Variants in TCF12 observed in about 807,000 individuals in gnomAD.
The protein encoded by TCF12 is transcription factor 12.
In TCF12, 45 loss-of-function variants were observed where a neutral mutation model predicts 86.0. The observed-to-expected ratio is 0.52, with a 90% CI of 0.41 to 0.67. The LOEUF is 0.67. Ranked by LOEUF, TCF12 falls within the 30% of genes least tolerant of loss-of-function variation. The probability of loss-of-function intolerance (pLI) is 0.00; values close to 1 mark genes in which losing one functional copy is unlikely to be tolerated. For missense variants in TCF12, 881 were observed against 859.9 expected (o/e 1.02, Z -0.31); for synonymous variants, 330 against 299.6 (o/e 1.10, Z -1.05).
intron 5 of TCF12, among the ~76,000 whole-genome samples, chr15:57,115,526 T>A (rs967370163): frequency 6.6e-5 from 10 of 152,326 alleles, no homozygotes; most frequent in Admixed American, 6.5e-4. Flanking sequence ...ATTGGAAGAA[T>A]CTGTAGTAAG....
intron 3 of TCF12, among the ~76,000 whole-genome samples, chr15:56,947,959 ACTTAT>A (rs2061083976): frequency 6.6e-6 from 1 of 152,148 alleles, no homozygotes; most frequent in Admixed American, 6.5e-5. Context: ...ATTGACAGGA[ACTTAT>A]CTTAATTTAG....
intron 5 of TCF12, among the ~76,000 whole-genome samples, chr15:57,136,859 C>T (rs1461302721): frequency 6.6e-6 from 1 of 151,624 alleles, no homozygotes; most frequent in African/African-American, 2.4e-5. Flanking sequence ...CCATGTCGCC[C>T]AGGCTGGTCT....
Position 56,980,466 on chromosome 15 carries a change from A to G in TCF12, c.148+59368A>G, listed in dbSNP as rs904141729. On this transcript the variant is annotated intron_variant, in intron 3 of 20. Transcript: ENST00000333725. ...TGGAAGAAGAGGATGGCCCCACAAT[A>G]CATTGAGGCTGCTGGCGCCCTTACT... Among the ~76,000 whole-genome samples, 7 of 152,268 alleles carry G rather than the reference A, an allele frequency of 4.6e-5. 1 individual carries two copies. In the South Asian group the frequency reaches 1.0e-3, roughly 23 times the overall value.
intron 3 of TCF12, among the ~76,000 whole-genome samples, chr15:56,981,943 G>C (rs922724536): frequency 1.3e-5 from 2 of 152,142 alleles, no homozygotes; most frequent in African/African-American, 2.4e-5. Context: ...AGGGGCAGAA[G>C]AGGTGGGGAG....
intron 6 of TCF12, among the ~76,000 whole-genome samples, chr15:57,186,912 G>T (rs1297531251): frequency 6.6e-6 from 1 of 152,142 alleles, no homozygotes; most frequent in African/African-American, 2.4e-5. Context: ...TGAACATGGT[G>T]GCTCACACCA....
intron 6 of TCF12, among the ~76,000 whole-genome samples, chr15:57,191,770 T>G (rs1208696913): frequency 6.6e-6 from 1 of 152,190 alleles, no homozygotes. Flanking sequence ...AAACCCCGTC[T>G]CTACTAAACA....
At chr15:57,247,708 C>T (rs2059927393) in intron 13 of TCF12, 1 of 739,594 alleles carries the variant, frequency 1.4e-6, no homozygotes, top group Non-Finnish European at 2.5e-6. Flanking sequence ...TTACAGAATC[C>T]TCTATAGAAA....
chr15:57,206,290 C>T (rs1230482952), intron 8 of TCF12, among the ~76,000 whole-genome samples: 1 of 152,114 alleles, frequency 6.6e-6, no homozygotes, highest in African/African-American at 2.4e-5. Context: ...ATCACTAGCT[C>T]AGAAGTTTGA....
chr15:57,070,318 A>G (rs2069261612), intron 4 of TCF12, among the ~76,000 whole-genome samples: 1 of 152,098 alleles, frequency 6.6e-6, no homozygotes, highest in African/African-American at 2.4e-5. Context: ...AAGCATCAGC[A>G]GTGGTTTTTT....
chr15:57,086,413 C>T (rs1347529593), intron 4 of TCF12, among the ~76,000 whole-genome samples: 1 of 151,702 alleles, frequency 6.6e-6, no homozygotes, highest in Non-Finnish European at 1.5e-5. Context: ...TAATATGCCC[C>T]ATGCCACATA....
At chr15:57,058,388 A>AT (rs1372119590) in intron 3 of TCF12, among the ~76,000 whole-genome samples, 2 of 152,150 alleles carry the variant, frequency 1.3e-5, no homozygotes, top group African/African-American at 2.4e-5. Flanking sequence ...AAAATTAGTC[A>AT]TTTTTTTGAA....
chr15:57,190,159 A>G (rs1355344272), intron 6 of TCF12, among the ~76,000 whole-genome samples: 7 of 152,342 alleles, frequency 4.6e-5, no homozygotes, highest in East Asian at 3.9e-4. Context: ...TAGAGAGGTG[A>G]TGGTTGAACA....
intron 3 of TCF12, among the ~76,000 whole-genome samples, chr15:56,990,911 C>T (rs1159349551): frequency 6.6e-6 from 1 of 151,932 alleles, no homozygotes; most frequent in Non-Finnish European, 1.5e-5. Flanking sequence ...GCTCCTACCT[C>T]AGCCTCCACA....
chr15:57,255,735 G>A (rs1457280964), intron 16 of TCF12, among the ~76,000 whole-genome samples: 1 of 152,092 alleles, frequency 6.6e-6, no homozygotes, highest in Non-Finnish European at 1.5e-5. Flanking sequence ...GCCCACCTCG[G>A]CCTCCCAAAG....
chr15:57,220,462 A>G (rs1054334892), intron 8 of TCF12, among the ~76,000 whole-genome samples: 39 of 152,126 alleles, frequency 2.6e-4, no homozygotes, highest in African/African-American at 8.7e-4. Context: ...TAGAATTTTG[A>G]CCTTGTGTGG....
At chr15:57,260,242 A>T (rs1346771854) in intron 16 of TCF12, among the ~76,000 whole-genome samples, 1 of 152,176 alleles carries the variant, frequency 6.6e-6, no homozygotes, top group Admixed American at 6.5e-5. Flanking sequence ...TAAAATTTCT[A>T]AGATTTATTA....
At chr15:57,151,117 G>A (rs1020888) in intron 5 of TCF12, among the ~76,000 whole-genome samples, 142,655 of 150,884 alleles carry the variant, frequency 0.95, 67,638 homozygotes, top group Non-Finnish European at 0.98. Flanking sequence ...AGCTAGGACT[G>A]CAAGGATGCA....
At chr15:57,138,292 C>G (rs535264615) in intron 5 of TCF12, among the ~76,000 whole-genome samples, 1 of 152,312 alleles carries the variant, frequency 6.6e-6, no homozygotes, top group South Asian at 2.1e-4. Context: ...TCATTTAACA[C>G]TGCTTCTCTA....
At chr15:57,273,736 C>T (rs1255528623) in intron 19 of TCF12, among the ~76,000 whole-genome samples, 3 of 152,006 alleles carry the variant, frequency 2.0e-5, no homozygotes, top group African/African-American at 4.8e-5. Flanking sequence ...GATACCTTTA[C>T]ACCCATGTCA....
Sources: gnomAD v4.1 joint callset for allele counts (sites outside exome capture counted in the v4.1 genomes callset) on GRCh38, gnomAD v4.1.1 for gene constraint, MANE v1.5 for transcripts, NCBI Gene and HGNC (gene_info 2026-07-23, HGNC 2026-07-21) for gene names.